Variants in DLGAP2 observed in about 807,000 individuals in gnomAD.
DLGAP2 encodes DLG associated protein 2.
A neutral mutation model predicts 100.3 loss-of-function variants in DLGAP2; 26 were observed. That is an observed-to-expected ratio of 0.26 (90% CI 0.19 to 0.36). DLGAP2 has a LOEUF of 0.36. Among genes scored for constraint, DLGAP2 ranks in the 10% least tolerant of loss-of-function variants. The pLI, the probability that DLGAP2 is intolerant of heterozygous loss-of-function variation, is 1.00. For missense variants in DLGAP2, 1,858 were observed against 1,453.2 expected, an observed-to-expected ratio of 1.28 and a Z score of -4.53; for synonymous variants, 886 against 630.1, an observed-to-expected ratio of 1.41 and a Z score of -6.08.
intron 2 of DLGAP2, among the ~76,000 whole-genome samples, chr8:915,040 C>T (rs187261583): frequency 2.1e-4 from 32 of 152,334 alleles, no homozygotes; most frequent in African/African-American, 7.2e-4. Context: ...CGACACAGGG[C>T]ACACTGCCAC....
At chr8:921,687 C>G (rs559832172) in intron 2 of DLGAP2, among the ~76,000 whole-genome samples, 57 of 152,388 alleles carry the variant, frequency 3.7e-4, no homozygotes, top group African/African-American at 1.3e-3. Flanking sequence ...CGGCTACTGC[C>G]ACCCAGCCAT....
chr8:1,129,622 C>A (rs974481923), intron 2 of DLGAP2, among the ~76,000 whole-genome samples: 2 of 152,126 alleles, frequency 1.3e-5, no homozygotes, highest in African/African-American at 4.8e-5. Flanking sequence ...AGTGTTGCCT[C>A]GTAGGTGACT....
chr8:1,359,258 G>A (rs1297468849), intron 3 of DLGAP2, among the ~76,000 whole-genome samples: 4 of 152,174 alleles, frequency 2.6e-5, no homozygotes, highest in South Asian at 2.1e-4. Context: ...CCTTCTCCTC[G>A]CTGCCCTCCC....
At chr8:1,184,311 G>C (rs758020750) in intron 2 of DLGAP2, among the ~76,000 whole-genome samples, 1 of 152,254 alleles carries the variant, frequency 6.6e-6, no homozygotes. Flanking sequence ...GTGTACACAG[G>C]TGCTCAGTAG....
At chr8:1,470,751 C>CCCGACTCCCCCAGGCTTT (rs1798759860) in intron 3 of DLGAP2, among the ~76,000 whole-genome samples, 11 of 93,010 alleles carry the variant, frequency 1.2e-4, no homozygotes, top group Admixed American at 4.3e-4. Context: ...CCGACTCCTT[C>CCCGACTCCCCCAGGCTTT]CCCGACTCCT....
chr8:1,316,037 T>G (rs77525453), intron 3 of DLGAP2, among the ~76,000 whole-genome samples: 2 of 86,940 alleles, frequency 2.3e-5, no homozygotes, highest in African/African-American at 4.2e-5. Context: ...TCGAGACACT[T>G]GGCAGCTTTT....
At chr8:948,265 T>C (rs1359052616) in intron 2 of DLGAP2, among the ~76,000 whole-genome samples, 1 of 152,230 alleles carries the variant, frequency 6.6e-6, no homozygotes, top group Non-Finnish European at 1.5e-5. Flanking sequence ...TGGAGGACCC[T>C]GTTTCCTGGG....
At chr8:1,370,749 G>A (rs1021040510) in intron 3 of DLGAP2, among the ~76,000 whole-genome samples, 2 of 152,148 alleles carry the variant, frequency 1.3e-5, no homozygotes, top group African/African-American at 4.8e-5. Flanking sequence ...TGTAGGAGCC[G>A]GACTCGGCAC....
chr8:1,024,161 C>T (rs1351193876), intron 2 of DLGAP2, among the ~76,000 whole-genome samples: 1 of 109,660 alleles, frequency 9.1e-6, no homozygotes, highest in Admixed American at 1.0e-4. Context: ...GCTCCATCCA[C>T]CACCCACCCT....
In DLGAP2 at chr8:1,668,524, G is replaced by A. The variant is rs1273999890; in HGVS notation, c.2006G>A (p.Ser669Asn). 6.3e-7 allele frequency: 1 copy of A among 1,593,146 alleles called. No homozygotes were observed. The highest frequency in any genetic ancestry group is 8.5e-7 in the Non-Finnish European group (1 of 1,170,878). Residue 669 changes from serine (S) to asparagine (N), a missense_variant, in exon 9 of 15, where the codon AGC (serine) becomes AAC (asparagine). Physicochemically the swap from Ser to Asn is conservative, Grantham distance 46 (BLOSUM62 1). Transcript: ENST00000637795. ...GLYNSTDSLDSNKAMNLALET... is the reference protein window; with the variant it reads ...GLYNSTDSLDNNKAMNLALET... ...TACAACTCCACGGACAGCCTGGACA[G>A]CAACAAGGCCATGAACCTCGCGCTG...
At chr8:1,663,247 A>G (rs1438260789) in intron 8 of DLGAP2, among the ~76,000 whole-genome samples, 1 of 152,042 alleles carries the variant, frequency 6.6e-6, no homozygotes, top group Non-Finnish European at 1.5e-5. Flanking sequence ...GTGTACATGC[A>G]CATGCGCACT....
chr8:847,981 G>A (rs1797101833), intron 1 of DLGAP2, among the ~76,000 whole-genome samples: 1 of 152,076 alleles, frequency 6.6e-6, no homozygotes, highest in African/African-American at 2.4e-5. Flanking sequence ...ATATTAAAGG[G>A]GTAAACACTT....
At chr8:1,638,420 G>T (rs937265426) in intron 8 of DLGAP2, among the ~76,000 whole-genome samples, 1 of 152,130 alleles carries the variant, frequency 6.6e-6, no homozygotes, top group Non-Finnish European at 1.5e-5. Flanking sequence ...AGTTTTCCCA[G>T]CGCCTTGGTC....
At chr8:981,929 G>A (rs1584945065) in intron 2 of DLGAP2, among the ~76,000 whole-genome samples, 1 of 152,178 alleles carries the variant, frequency 6.6e-6, no homozygotes, top group Non-Finnish European at 1.5e-5. Context: ...CCGTGCCTGC[G>A]GGTCTTCCTT....
intron 1 of DLGAP2, among the ~76,000 whole-genome samples, chr8:849,466 T>C (rs1797140129): frequency 1.3e-5 from 2 of 152,220 alleles, no homozygotes; most frequent in Non-Finnish European, 1.5e-5. Context: ...TTTAGTTCGA[T>C]GCCTGGGATG....
At chr8:1,229,233 A>G (rs1284730026) in intron 2 of DLGAP2, among the ~76,000 whole-genome samples, 1 of 152,020 alleles carries the variant, frequency 6.6e-6, no homozygotes, top group East Asian at 1.9e-4. Context: ...TATCAAGGTG[A>G]TGCTGGTTTC....
In DLGAP2 at chr8:1,516,960, C is replaced by A. The variant is rs981148852; in HGVS notation, c.172+15529C>A. On this transcript the variant is annotated intron_variant, in intron 4 of 14. Transcript: ENST00000637795. The stretch of plus-strand genomic sequence containing the variant: ...TACATAAAAAATGAAGCACCTCATC[C>A]ACTGTCTCAGGCAGCGAGAGCCTGC... 2.6e-5 allele frequency among the ~76,000 whole-genome samples: 4 copies of A among 152,174 alleles called. No individual in the cohort carries two copies. The South Asian group carries it at 8.3e-4, about 32-fold the overall frequency.
intron 2 of DLGAP2, among the ~76,000 whole-genome samples, chr8:1,172,919 G>A (rs1797160938): frequency 6.6e-6 from 1 of 152,146 alleles, no homozygotes; most frequent in Non-Finnish European, 1.5e-5. Flanking sequence ...TTCGATTGCT[G>A]GTGAGGAACT....
At position 1,552,336 on chromosome 8, in the gene DLGAP2, G is replaced by C. The variant is rs79517728; in HGVS notation, c.1230+2653G>C. Among the ~76,000 whole-genome samples, 3 of 152,270 alleles carry C rather than the reference G, an allele frequency of 2.0e-5. No homozygotes were observed. In the South Asian group the frequency reaches 6.2e-4, roughly 32 times the overall value. On this transcript the variant is annotated intron_variant, in intron 5 of 14. Coordinates refer to ENST00000637795, the MANE Select transcript of DLGAP2 (RefSeq NM_001346810.2). Reference sequence around the variant, plus strand: ...GCAAGCTTCCCCCATCCCCACATCCGCCTCCCAGTGAAACCACCTCTTCGG... The same window carrying C: ...GCAAGCTTCCCCCATCCCCACATCCCCCTCCCAGTGAAACCACCTCTTCGG...
Sources: gnomAD v4.1 joint callset for allele counts (sites outside exome capture counted in the v4.1 genomes callset) on GRCh38, gnomAD v4.1.1 for gene constraint, MANE v1.5 for transcripts, NCBI Gene and HGNC (gene_info 2026-07-23, HGNC 2026-07-21) for gene names.